NPIPB11: variants seen among roughly 807,000 people sequenced by gnomAD.
The protein encoded by NPIPB11 is nuclear pore complex-interacting protein family member B11.
In NPIPB11, 17 loss-of-function variants were observed where a neutral mutation model predicts 32.8. That is an observed-to-expected ratio of 0.52 (90% CI 0.35 to 0.78). The LOEUF is 0.78. Among genes scored for constraint, NPIPB11 ranks in the 30% least tolerant of loss-of-function variants. NPIPB11 has a pLI of 0.01. For missense variants in NPIPB11, 537 were observed against 1,000.4 expected, an observed-to-expected ratio of 0.54 and a Z score of 6.25; for synonymous variants, 209 against 398.4, an observed-to-expected ratio of 0.52 and a Z score of 5.66.
intron 2 of NPIPB11, among the ~76,000 whole-genome samples, chr16:29,400,158 A>G (rs1210787641): frequency 4.6e-5 from 7 of 150,884 alleles, no homozygotes; most frequent in Non-Finnish European, 1.0e-4. Flanking sequence ...TTGAAGTCAG[A>G]TTAGACCAAA....
At chr16:29,403,089 T>TC (rs1476172754) in intron 2 of NPIPB11, among the ~76,000 whole-genome samples, 7 of 147,198 alleles carry the variant, frequency 4.8e-5, no homozygotes, top group Non-Finnish European at 1.1e-4. Context: ...ATTTTTTTTT[T>TC]TTTTTTTTGA....
At chr16:29,393,448 T>C (rs1164623398) in intron 3 of NPIPB11, among the ~76,000 whole-genome samples, 1 of 152,064 alleles carries the variant, frequency 6.6e-6, no homozygotes, top group Non-Finnish European at 1.5e-5. Flanking sequence ...CAGAAGAGGG[T>C]GCTCTTTAAG....
chr16:29,390,395 G>C, intron 3 of NPIPB11, 47 bp from the exon 4 acceptor site: 3 of 1,589,800 alleles, frequency 1.9e-6, no homozygotes, highest in Non-Finnish European at 2.6e-6. Context: ...GGTGGCTCAT[G>C]CGTATAATCC....
chr16:29,391,404 C>T (rs1963720063), intron 3 of NPIPB11, among the ~76,000 whole-genome samples: 1 of 147,608 alleles, frequency 6.8e-6, no homozygotes, highest in African/African-American at 2.5e-5. Flanking sequence ...GAAGTAATTA[C>T]CTTCAGCTCT....
rs1437478905 is a variant in NPIPB11, at chr16:29,395,795, C to T, written c.121-1719G>A. Among the ~76,000 whole-genome samples the T allele has an allele frequency of 8.9e-4, 133 of 149,534 alleles. 2 individuals are homozygous for T. Among genetic ancestry groups the T allele is most frequent in the South Asian group, 3.4e-3 (16 of 4,726 alleles). The stretch of plus-strand genomic sequence containing the variant: ...GAGATTGAGACCATCCTAGCTAACA[C>T]GGTGAAACCCATCTCTACTAAAAAT... On this transcript the variant is annotated intron_variant, in intron 2 of 7. Transcript: ENST00000524087.
intron 3 of NPIPB11, among the ~76,000 whole-genome samples, chr16:29,393,466 C>A (rs1028045051): frequency 1.3e-5 from 2 of 152,112 alleles, no homozygotes; most frequent in African/African-American, 4.8e-5. Flanking sequence ...AAGCATCAAC[C>A]ACCCGGCAGT....
chr16:29,399,306 A>G lies in NPIPB11; in HGVS notation c.120+4377T>C, dbSNP rs989489081. Among the ~76,000 whole-genome samples the G allele has an allele frequency of 9.9e-5, 15 of 150,918 alleles. 1 individual carries two copies. The highest frequency in any genetic ancestry group is 6.0e-4 in the Admixed American group (9 of 15,110). ...AAATCCCTTTACCATTTACTATGACATAAGGTTATTGTAAACAGGAAATAT... is the reference window on the plus strand; with the variant it reads ...AAATCCCTTTACCATTTACTATGACGTAAGGTTATTGTAAACAGGAAATAT... On this transcript the variant is annotated intron_variant, in intron 2 of 7. Transcript: ENST00000524087.
At chr16:29,394,161 A>T (rs902246508) in intron 2 of NPIPB11, 85 bp from the exon 3 acceptor site, 54 of 1,447,146 alleles carry the variant, frequency 3.7e-5, no homozygotes, top group Non-Finnish European at 4.8e-5. Context: ...AGAAACCGTC[A>T]ACCTCCTCCA....
chr16:29,401,081 G>C (rs1212739550), intron 2 of NPIPB11, among the ~76,000 whole-genome samples: 2 of 152,100 alleles, frequency 1.3e-5, no homozygotes, highest in Non-Finnish European at 2.9e-5. Context: ...CAGGCCCCAC[G>C]ATGTTTTGGG....
chr16:29,401,493 G>A (rs4017133), intron 2 of NPIPB11, among the ~76,000 whole-genome samples: 1 of 152,042 alleles, frequency 6.6e-6, no homozygotes. Flanking sequence ...ACCTGGCTGA[G>A]GATAAAGCAA....
intron 2 of NPIPB11, among the ~76,000 whole-genome samples, chr16:29,399,986 A>T (rs1963950928): frequency 6.6e-6 from 1 of 151,858 alleles, no homozygotes; most frequent in South Asian, 2.1e-4. Context: ...CTGAGGCAGG[A>T]CAATCCCTTG....
intron 3 of NPIPB11, among the ~76,000 whole-genome samples, chr16:29,393,350 G>T (rs2142128693): frequency 6.6e-6 from 1 of 151,372 alleles, no homozygotes; most frequent in African/African-American, 2.4e-5. Flanking sequence ...CAGGCCAATT[G>T]TTTGTTCCTT....
intron 2 of NPIPB11, among the ~76,000 whole-genome samples, chr16:29,399,184 C>T (rs1239678631): frequency 2.6e-5 from 4 of 152,148 alleles, no homozygotes; most frequent in Non-Finnish European, 5.9e-5. Flanking sequence ...CCTTTCCTGG[C>T]CCTGTCCTCA....
At position 29,390,444 on chromosome 16, in the gene NPIPB11, C is replaced by A. The variant is rs1963689747; in HGVS notation, c.250-96G>T. 5 of 1,580,624 alleles carry A rather than the reference C, an allele frequency of 3.2e-6. No individual in the cohort carries two copies. The African/African-American group carries it at 5.4e-5, about 17-fold the overall frequency. On this transcript the variant is annotated intron_variant, in intron 3 of 7. Transcript: ENST00000524087. ...AGCTGAGGCAGGTGGATCACGGGGT[C>A]AGGAGCAAGACCAGCCTGGCCAAGA...
intron 2 of NPIPB11, among the ~76,000 whole-genome samples, chr16:29,399,361 G>A (rs1963935062): frequency 1.3e-5 from 2 of 148,920 alleles, no homozygotes; most frequent in South Asian, 2.2e-4. Context: ...GAAAGCCAAT[G>A]CCTTTACCAT....
intron 3 of NPIPB11, among the ~76,000 whole-genome samples, chr16:29,391,159 C>T (rs1325128290): frequency 4.6e-5 from 6 of 129,390 alleles, no homozygotes; most frequent in African/African-American, 9.0e-5. Context: ...CCCAGCTACT[C>T]GGGAGGCTGA....
At chr16:29,395,227 A>C (rs1290647275) in intron 2 of NPIPB11, among the ~76,000 whole-genome samples, 6 of 52,218 alleles carry the variant, frequency 1.1e-4, no homozygotes, top group South Asian at 6.7e-4. Flanking sequence ...CAGTGGCATG[A>C]TCTCAGCTCA....
intron 2 of NPIPB11, among the ~76,000 whole-genome samples, chr16:29,400,998 C>T (rs1963976501): frequency 6.6e-6 from 1 of 152,130 alleles, no homozygotes. Flanking sequence ...GAGCATCTCT[C>T]TAAGACCTCT....
upstream of NPIPB11, among the ~76,000 whole-genome samples, chr16:29,406,026 C>A (rs1964106223): frequency 6.6e-6 from 1 of 152,264 alleles, no homozygotes; most frequent in South Asian, 2.1e-4. Context: ...TTAATAGTGA[C>A]CTGTGATTCT....
Sources: allele counts gnomAD v4.1 joint callset (sites outside exome capture counted in the v4.1 genomes callset), GRCh38; gene constraint gnomAD v4.1.1; transcripts MANE v1.5; gene names NCBI Gene and HGNC (gene_info 2026-07-23, HGNC 2026-07-21).